Variants in ASTN2 observed in about 807,000 individuals in gnomAD.
ASTN2 encodes astrotactin 2, also known as astrotactin-2.
ASTN2 carries 54 observed loss-of-function variants against 139.8 expected under a neutral mutation model. The observed-to-expected ratio is 0.39, with a 90% CI of 0.31 to 0.48. ASTN2 has a LOEUF of 0.48. ASTN2 is among the 20% of genes least tolerant of loss of function. The pLI is 0.95. For synonymous variants in ASTN2, 756 were observed against 719.5 expected, an observed-to-expected ratio of 1.05 and a Z score of -0.81; for missense variants, 1,565 against 1,725.1, an observed-to-expected ratio of 0.91 and a Z score of 1.64.
chr9:116,698,593 G>T lies in ASTN2; in HGVS notation c.2806+27178C>A. On this transcript the variant is annotated intron_variant, in intron 16 of 22. Transcript: ENST00000313400. This position sits in a 1 kb window ranked among gnomAD's most constrained non-coding sequence, Gnocchi z 4.4. Reference sequence around the variant, plus strand: ...CAAGATGTGGAGCTCCTTAAGGTAGGTCATGTTGGCCCCCTCCAAATTGGA... The same window carrying T: ...CAAGATGTGGAGCTCCTTAAGGTAGTTCATGTTGGCCCCCTCCAAATTGGA... The T allele has an allele frequency of 1.2e-6, 2 of 1,614,074 alleles. No homozygotes were observed. Among genetic ancestry groups the T allele is most frequent in the Non-Finnish European group, 1.7e-6 (2 of 1,180,018 alleles).
intron 22 of ASTN2, among the ~76,000 whole-genome samples, chr9:116,439,849 T>C (rs1847789107): frequency 6.6e-6 from 1 of 152,226 alleles, no homozygotes; most frequent in African/African-American, 2.4e-5. Flanking sequence ...ACGCTTATTA[T>C]TCCTGCTCTA....
chr9:116,651,918 A>G lies in ASTN2; in HGVS notation c.2807-125T>C, dbSNP rs192488763. ...TCCATTGAGGAAGTAAAAAGATGAT[A>G]GAGTGATTTATTCATGATGCCTTGG... On this transcript the variant is annotated intron_variant, in intron 16 of 22. Coordinates refer to ENST00000313400, the MANE Select transcript of ASTN2 (RefSeq NM_001365068.1). The G allele has an allele frequency of 1.7e-4, 205 of 1,208,650 alleles. No homozygotes were observed. The African/African-American group carries it at 2.8e-3, about 17-fold the overall frequency. 74.9% of individuals were successfully genotyped at this position (1,208,650 alleles called of 1,614,324 possible).
chr9:117,289,381 C>A (rs183168891), intron 2 of ASTN2, among the ~76,000 whole-genome samples: 2 of 152,106 alleles, frequency 1.3e-5, no homozygotes, highest in African/African-American at 4.8e-5. Context: ...GTTATTATTT[C>A]GAAGCTGAAC....
Position 116,669,728 on chromosome 9 carries a change from T to C in ASTN2, c.2807-17935A>G, listed in dbSNP as rs2131983506. ...TCCCAGTCTTTGGCTTGTATTCTCA[T>C]TATCTTGACATTGTCTTTCATAGAG... is the stretch of plus-strand genomic sequence containing the variant. On this transcript the variant is annotated intron_variant, in intron 16 of 22. Transcript: ENST00000313400. Among the ~76,000 whole-genome samples the C allele has an allele frequency of 1.3e-5, 2 of 152,316 alleles. 1 individual carries two copies. The highest frequency in any genetic ancestry group is 4.1e-4 in the South Asian group (2 of 4,828).
At chr9:117,078,492 AC>A (rs1564415659) in intron 5 of ASTN2, among the ~76,000 whole-genome samples, 1 of 152,220 alleles carries the variant, frequency 6.6e-6, no homozygotes, top group Non-Finnish European at 1.5e-5. Flanking sequence ...AAACAAAAAT[AC>A]CATGTTATTA....
intron 5 of ASTN2, among the ~76,000 whole-genome samples, chr9:117,082,153 T>C (rs1194549092): frequency 1.3e-5 from 2 of 152,170 alleles, no homozygotes; most frequent in African/African-American, 4.8e-5. Flanking sequence ...TCAGATCTGG[T>C]TGGCAAATGT....
At chr9:117,272,021 G>C (rs1199503075) in intron 2 of ASTN2, among the ~76,000 whole-genome samples, 1 of 152,146 alleles carries the variant, frequency 6.6e-6, no homozygotes, top group Admixed American at 6.5e-5. Context: ...TGCTCTGTGG[G>C]GGCTCCAACC....
chr9:116,755,067 G>A (rs1157009072), intron 13 of ASTN2, among the ~76,000 whole-genome samples: 1 of 152,090 alleles, frequency 6.6e-6, no homozygotes, highest in Non-Finnish European at 1.5e-5. Context: ...TCATGCCCCT[G>A]CCACCAACTC....
rs138920466 is a variant in ASTN2 at position 116,618,453 on chromosome 9, C to A, written c.3226G>T (p.Val1076Leu). 19 of 1,612,980 alleles carry A rather than the reference C, an allele frequency of 1.2e-5. No homozygotes were observed. In the African/African-American group the frequency reaches 2.5e-4, roughly 22 times the overall value. ...LQPVLRLSPTVEPSSTVVSLE... is the reference protein window; with the variant it reads ...LQPVLRLSPTLEPSSTVVSLE... ...GAGACCACAGTACTGGAGGGCTCCA[C>A]TGTTGGGGACAGCCGCAGCCTACAG... The change falls in exon 19 of 23, where the codon GTG becomes TTG. Residue 1076 changes from valine (V) to leucine (L), a missense_variant. Around this residue, in one of 4 missense-constraint regions of ASTN2, gnomAD observed 418 missense variants for 465.8 expected, o/e 0.90. Coordinates refer to ENST00000313400, the MANE Select transcript of ASTN2 (RefSeq NM_001365068.1).
Position 117,275,628 on chromosome 9 carries a change from C to T in ASTN2, c.630+15698G>A, listed in dbSNP as rs1367318467. Reference sequence around the variant, plus strand: ...TTGCCCAGGCTGGAGTGCAGTGGTGCAATCTTGGCTCACTGCAACCTCCGC... The same window carrying T: ...TTGCCCAGGCTGGAGTGCAGTGGTGTAATCTTGGCTCACTGCAACCTCCGC... On this transcript the variant is annotated intron_variant, in intron 2 of 22. Coordinates refer to ENST00000313400, the MANE Select transcript of ASTN2 (RefSeq NM_001365068.1). Among the ~76,000 whole-genome samples the T allele has an allele frequency of 2.1e-5, 3 of 141,396 alleles. No homozygotes were observed. In the South Asian group the frequency reaches 6.6e-4, roughly 31 times the overall value. The allele number at this position is 141,396 out of a possible 152,430, so 92.8% of individuals were successfully genotyped here. A position where few individuals can be genotyped will look rare whatever the true frequency, so the allele number is the denominator to read the frequency against.
intron 2 of ASTN2, among the ~76,000 whole-genome samples, chr9:117,272,707 C>A (rs1834095807): frequency 6.6e-6 from 1 of 152,158 alleles, no homozygotes; most frequent in Non-Finnish European, 1.5e-5. Context: ...AGGGCAAGGG[C>A]AAAATGCTGC....
chr9:117,194,946 C>A (rs1205911994), intron 3 of ASTN2, among the ~76,000 whole-genome samples: 1 of 93,456 alleles, frequency 1.1e-5, no homozygotes, highest in African/African-American at 4.1e-5. Flanking sequence ...ACTAAAATAT[C>A]CATCAGTCCA....
chr9:116,505,579 A>G (rs1018332277), intron 19 of ASTN2, among the ~76,000 whole-genome samples: 4 of 152,188 alleles, frequency 2.6e-5, no homozygotes, highest in Admixed American at 2.6e-4. Context: ...AGAATGTTTC[A>G]AGGATTCAAT....
At chr9:117,255,726 C>T (rs569063281) in intron 2 of ASTN2, among the ~76,000 whole-genome samples, 2 of 152,236 alleles carry the variant, frequency 1.3e-5, no homozygotes, top group African/African-American at 2.4e-5. Flanking sequence ...GGCTGGAACA[C>T]AGAATGTATG....
intron 11 of ASTN2, among the ~76,000 whole-genome samples, chr9:116,836,204 C>G (rs1213906151): frequency 6.6e-6 from 1 of 152,090 alleles, no homozygotes; most frequent in Non-Finnish European, 1.5e-5. Context: ...TCCACTAACA[C>G]CACACTGAGT....
intron 11 of ASTN2, among the ~76,000 whole-genome samples, chr9:116,848,587 C>G (rs1832508285): frequency 1.3e-5 from 2 of 152,180 alleles, no homozygotes; most frequent in African/African-American, 4.8e-5. Context: ...AAGCCTGGCA[C>G]CTGAGTCTCT....
intron 10 of ASTN2, among the ~76,000 whole-genome samples, chr9:116,935,605 C>CTT (rs1429933034): frequency 2.0e-4 from 31 of 152,326 alleles, no homozygotes; most frequent in Middle Eastern, 6.8e-3. Flanking sequence ...GTCACACAGT[C>CTT]TAAAGCACTG....
intron 10 of ASTN2, among the ~76,000 whole-genome samples, chr9:116,948,935 G>T (rs1835481939): frequency 6.6e-6 from 1 of 151,156 alleles, no homozygotes; most frequent in African/African-American, 2.4e-5. Context: ...GGGATTACAT[G>T]CACACGCCAC....
Position 116,425,744 on chromosome 9 carries a change from G to C in ASTN2, c.*107C>G. 1.2e-6 allele frequency: 2 copies of C among 1,606,154 alleles called. No homozygotes were observed. Among genetic ancestry groups the C allele is most frequent in the Non-Finnish European group, 8.5e-7 (1 of 1,176,044 alleles). On this transcript the variant is annotated 3_prime_UTR_variant, in exon 23 of 23. Coordinates refer to ENST00000313400, the MANE Select transcript of ASTN2 (RefSeq NM_001365068.1). ...CCTTGCTGGCAAGCTTCATCTGCTAGGCCCATCCTCAGCTGTCCCCCAGCC... is the reference window on the plus strand; with the variant it reads ...CCTTGCTGGCAAGCTTCATCTGCTACGCCCATCCTCAGCTGTCCCCCAGCC...
Sources: gnomAD v4.1 joint callset for allele counts (sites outside exome capture counted in the v4.1 genomes callset) on GRCh38, gnomAD v4.1.1 for gene constraint, gnomAD v4.1.1 regional missense constraint, Gnocchi (gnomAD v3.1) non-coding constraint, MANE v1.5 for transcripts, NCBI Gene and HGNC (gene_info 2026-07-23, HGNC 2026-07-21) for gene names.